The following RFTN2 variants were observed in gnomAD, a reference collection of about 807,000 sequenced individuals.
RFTN2 encodes raftlin-2.
RFTN2 carries 34 observed loss-of-function variants against 52.7 expected under a neutral mutation model. The ratio of observed to expected loss-of-function variants is 0.64; its 90% CI spans 0.49 to 0.86. The LOEUF (loss-of-function observed/expected upper bound fraction) is 0.86. Among genes scored for constraint, RFTN2 ranks in the 40% least tolerant of loss-of-function variants. The pLI is 0.00. For synonymous variants in RFTN2, 203 were observed against 217.7 expected (o/e 0.93, Z 0.59); for missense variants, 536 against 600.1 (o/e 0.89, Z 1.12).
intron 7 of RFTN2, among the ~76,000 whole-genome samples, chr2:197,601,916 A>C (rs1222978464): frequency 6.6e-6 from 1 of 152,200 alleles, no homozygotes; most frequent in Non-Finnish European, 1.5e-5. Context: ...GTGTGACATA[A>C]AAGATTAATC....
In RFTN2 at chr2:197,616,309, A is replaced by ATTTTATTTTATTTT. The variant is rs1553601950; in HGVS notation, c.1051-331_1051-330insAAAATAAAATAAAA. On this transcript the variant is annotated intron_variant, in intron 6 of 8. Transcript: ENST00000295049. ...ATTTTATTTTATTTTATTTTATTTTAAAGAGAGGGTCTCATTCCTACATCC... is the reference window on the plus strand; with the variant it reads ...ATTTTATTTTATTTTATTTTATTTTATTTTATTTTATTTTAAGAGAGGGTCTCATTCCTACATCC... 1.3e-4 allele frequency among the ~76,000 whole-genome samples: 16 copies of ATTTTATTTTATTTT among 125,020 alleles called. 1 individual carries two copies. The highest frequency in any genetic ancestry group is 3.4e-4 in the African/African-American group (11 of 32,738). 82.0% of individuals were successfully genotyped at this position (125,020 alleles called of 152,430 possible).
At chr2:197,577,028 A>T (rs1253970733) in intron 8 of RFTN2, among the ~76,000 whole-genome samples, 1 of 152,136 alleles carries the variant, frequency 6.6e-6, no homozygotes, top group African/African-American at 2.4e-5. Context: ...GCTAATGGAA[A>T]CTCAAAATAA....
At chr2:197,655,919 A>G (rs890679449) in intron 1 of RFTN2, among the ~76,000 whole-genome samples, 9 of 152,196 alleles carry the variant, frequency 5.9e-5, no homozygotes, top group South Asian at 2.1e-4. Flanking sequence ...CTGGAGGTCA[A>G]TGTCTTTTGA....
At chr2:197,611,043 T>C (rs1179981340) in intron 7 of RFTN2, among the ~76,000 whole-genome samples, 1 of 152,158 alleles carries the variant, frequency 6.6e-6, no homozygotes, top group Non-Finnish European at 1.5e-5. Context: ...CTTCATATCA[T>C]TGTTCATCAG....
At chr2:197,580,992 C>A (rs1337441631) in intron 8 of RFTN2, among the ~76,000 whole-genome samples, 1 of 152,154 alleles carries the variant, frequency 6.6e-6, no homozygotes, top group Admixed American at 6.5e-5. Flanking sequence ...CTCGCATCCC[C>A]CCAACTTAAC....
At chr2:197,637,691 T>C (rs1184979450) in intron 3 of RFTN2, among the ~76,000 whole-genome samples, 23 of 151,676 alleles carry the variant, frequency 1.5e-4, no homozygotes, top group Middle Eastern at 3.2e-3. Flanking sequence ...AAAAACCAGC[T>C]CCTGGATTCA....
At chr2:197,573,096 T>C (rs1222940031) in intron 8 of RFTN2, among the ~76,000 whole-genome samples, 2 of 139,646 alleles carry the variant, frequency 1.4e-5, no homozygotes, top group African/African-American at 5.5e-5. Flanking sequence ...TTGGTACTAG[T>C]AGAGTGGCGG....
In RFTN2 at chr2:197,579,614, G is replaced by A. The variant is rs545489276; in HGVS notation, c.1234-7334C>T. Among the ~76,000 whole-genome samples the A allele has an allele frequency of 5.3e-5, 8 of 152,024 alleles. No homozygotes were observed. In the East Asian group the frequency reaches 1.4e-3, roughly 26 times the overall value. ...ACGTCCAGGCATTCTTTTACACATC[G>A]GTCCCTCCCTAGCCTCTGTTCCCAA... On this transcript the variant is annotated intron_variant, in intron 8 of 8. Coordinates refer to ENST00000295049, the MANE Select transcript of RFTN2 (RefSeq NM_144629.3).
intron 7 of RFTN2, among the ~76,000 whole-genome samples, chr2:197,608,421 C>T (rs1489222061): frequency 2.0e-5 from 3 of 150,818 alleles, no homozygotes; most frequent in Non-Finnish European, 2.9e-5. Context: ...AAGTGATTCT[C>T]GTGCCTCAGC....
intron 8 of RFTN2, among the ~76,000 whole-genome samples, chr2:197,586,741 T>C (rs955594736): frequency 6.6e-6 from 1 of 152,216 alleles, no homozygotes; most frequent in East Asian, 1.9e-4. Context: ...TCTGCTAGCA[T>C]CACAGACGTA....
At chr2:197,616,563 G>A (rs774806606) in intron 6 of RFTN2, among the ~76,000 whole-genome samples, 9 of 152,016 alleles carry the variant, frequency 5.9e-5, no homozygotes, top group Non-Finnish European at 1.2e-4. Context: ...AAGTGCTGGG[G>A]TTACAGACGT....
intron 5 of RFTN2, among the ~76,000 whole-genome samples, chr2:197,627,819 A>C (rs2088390645): frequency 6.6e-6 from 1 of 152,074 alleles, no homozygotes; most frequent in African/African-American, 2.4e-5. Context: ...AATTTCACAG[A>C]TCTTACAACT....
At chr2:197,624,687 C>T (rs77333817) in intron 5 of RFTN2, among the ~76,000 whole-genome samples, 5,013 of 149,312 alleles carry the variant, frequency 0.034, 280 homozygotes, top group African/African-American at 0.12. Flanking sequence ...GCTGGCCAGG[C>T]GCAGTAGCTC....
chr2:197,660,149 C>A (rs963746178), intron 1 of RFTN2, among the ~76,000 whole-genome samples: 3 of 152,094 alleles, frequency 2.0e-5, no homozygotes, highest in Non-Finnish European at 4.4e-5. Flanking sequence ...TGCTCTAGTG[C>A]CTGCAGAGAA....
chr2:197,639,961 C>G (rs1293749991), intron 3 of RFTN2, among the ~76,000 whole-genome samples: 3 of 151,978 alleles, frequency 2.0e-5, no homozygotes, highest in South Asian at 2.1e-4. Flanking sequence ...TTCTAACAGA[C>G]AGGACCCTCA....
intron 4 of RFTN2, among the ~76,000 whole-genome samples, chr2:197,632,205 G>A (rs184188642): frequency 6.6e-6 from 1 of 152,272 alleles, no homozygotes; most frequent in East Asian, 1.9e-4. Flanking sequence ...CCATAATTCT[G>A]ATACCTCTTG....
intron 1 of RFTN2, among the ~76,000 whole-genome samples, chr2:197,648,030 C>T (rs2088777242): frequency 6.6e-6 from 1 of 152,186 alleles, no homozygotes; most frequent in African/African-American, 2.4e-5. Context: ...TCTTAAGTAA[C>T]AAGACATATG....
In RFTN2 at chr2:197,618,220, C is replaced by A. The variant is rs1392242729; in HGVS notation, c.929-299G>T. 1.6e-4 allele frequency among the ~76,000 whole-genome samples: 24 copies of A among 152,076 alleles called. No individual in the cohort carries two copies. In the South Asian group the frequency reaches 5.0e-3, roughly 32 times the overall value. On this transcript the variant is annotated intron_variant, in intron 5 of 8. Transcript: ENST00000295049. ...CCTGCCTCAGCTTGCCGAGTGCCTG[C>A]GATTGCAGGCGCGCGCCGCCACGCC...
intron 5 of RFTN2, among the ~76,000 whole-genome samples, chr2:197,626,764 G>T (rs1474102217): frequency 6.6e-6 from 1 of 151,348 alleles, no homozygotes; most frequent in South Asian, 2.1e-4. Context: ...GACTATAGGC[G>T]CCCGCCACCA....
Sources: allele counts gnomAD v4.1 joint callset (sites outside exome capture counted in the v4.1 genomes callset), GRCh38; gene constraint gnomAD v4.1.1; transcripts MANE v1.5; gene names NCBI Gene and HGNC (gene_info 2026-07-23, HGNC 2026-07-21).